Variants in DMGDH observed in about 807,000 individuals in gnomAD.
DMGDH encodes dimethylglycine dehydrogenase.
A neutral mutation model predicts 95.2 loss-of-function variants in DMGDH; 76 were observed. The observed-to-expected ratio is 0.80, with a 90% CI of 0.66 to 0.97. The LOEUF (loss-of-function observed/expected upper bound fraction) is 0.97. Ranked by LOEUF, DMGDH falls within the 50% of genes least tolerant of loss-of-function variation. The pLI, the probability that DMGDH is intolerant of heterozygous loss-of-function variation, is 0.00. For missense variants in DMGDH, 987 were observed against 1,055.0 expected (o/e 0.94, Z 0.89); for synonymous variants, 345 against 377.6 (o/e 0.91, Z 1.00).
intron 13 of DMGDH, 54 bp downstream of exon 13, chr5:79,026,370 T>A: frequency 6.2e-7 from 1 of 1,610,614 alleles, no homozygotes. Context: ...AGCCCTTATA[T>A]AAAAATGAGA....
At chr5:79,026,308 A>C (rs894198788) in intron 13 of DMGDH, 116 bp downstream of exon 13, 12 of 1,292,962 alleles carry the variant, frequency 9.3e-6, no homozygotes, top group Admixed American at 3.6e-5. Context: ...AAGTTATCTA[A>C]TGATATGTAA....
intron 7 of DMGDH, among the ~76,000 whole-genome samples, chr5:79,034,418 G>GT (rs1754280324): frequency 1.3e-5 from 2 of 152,160 alleles, no homozygotes; most frequent in South Asian, 4.1e-4. Context: ...AAATAAAGGG[G>GT]TTTTGACATC....
intron 13 of DMGDH, among the ~76,000 whole-genome samples, chr5:79,025,943 T>G (rs549579395): frequency 6.6e-6 from 1 of 152,334 alleles, no homozygotes; most frequent in South Asian, 2.1e-4. Flanking sequence ...TATGAAAATA[T>G]GTAAATGGTT....
chr5:79,001,097 A>G, intron 15 of DMGDH: 1 of 626,738 alleles, frequency 1.6e-6, no homozygotes, highest in East Asian at 2.7e-5. Context: ...GCCTTTGGTT[A>G]CTCCCTGCGT....
chr5:79,023,052 T>G (rs1753906094), intron 14 of DMGDH, among the ~76,000 whole-genome samples: 1 of 152,196 alleles, frequency 6.6e-6, no homozygotes, highest in South Asian at 2.1e-4. Flanking sequence ...AGAAAGATAT[T>G]CCCTTTAAAA....
intron 8 of DMGDH, among the ~76,000 whole-genome samples, 170 bp downstream of exon 8, chr5:79,033,069 T>C (rs564430741): frequency 6.6e-6 from 1 of 152,326 alleles, no homozygotes; most frequent in East Asian, 1.9e-4. Flanking sequence ...ATTCCACGTG[T>C]TAAATATATA....
At chr5:79,034,918 G>A (rs1393317723) in intron 7 of DMGDH, among the ~76,000 whole-genome samples, 1 of 151,492 alleles carries the variant, frequency 6.6e-6, no homozygotes, top group South Asian at 2.1e-4. Flanking sequence ...TTAGCCGGGC[G>A]TGTTGGCGGG....
intron 1 of DMGDH, among the ~76,000 whole-genome samples, chr5:79,065,740 C>T (rs935244470): frequency 3.3e-5 from 5 of 152,088 alleles, no homozygotes; most frequent in Admixed American, 3.3e-4. Context: ...TTTATGTGAC[C>T]GGCAGCACAG....
At chr5:79,050,080 A>C (rs1055903839) in intron 5 of DMGDH, among the ~76,000 whole-genome samples, 1 of 151,470 alleles carries the variant, frequency 6.6e-6, no homozygotes, top group Non-Finnish European at 1.5e-5. Context: ...AACATGGTGA[A>C]ACCCCGTCTC....
intron 15 of DMGDH, among the ~76,000 whole-genome samples, 190 bp from the exon 16 acceptor site, chr5:78,998,487 A>G (rs1378279457): frequency 1.3e-5 from 2 of 152,264 alleles, no homozygotes; most frequent in African/African-American, 4.8e-5. Context: ...GAAAGTTTAC[A>G]AATTATGAAA....
chr5:79,042,785 C>G (rs1434593005), intron 6 of DMGDH, among the ~76,000 whole-genome samples: 2 of 149,576 alleles, frequency 1.3e-5, no homozygotes, highest in Admixed American at 6.7e-5. Context: ...TAAAAAAAAA[C>G]TATAATTTGG....
chr5:79,054,824 G>C (rs1754975111), intron 3 of DMGDH, among the ~76,000 whole-genome samples: 1 of 152,226 alleles, frequency 6.6e-6, no homozygotes, highest in African/African-American at 2.4e-5. Context: ...CCTTCAGTTT[G>C]CCAAGCACTC....
In DMGDH at chr5:79,054,337, G is replaced by T; in HGVS notation, c.387C>A (p.Phe129Leu). The change falls in exon 4 of 16, where the codon TTC becomes TTA. Residue 129 changes from phenylalanine to leucine, a missense_variant. Phe to Leu is a conservative substitution (Grantham distance 22, BLOSUM62 0). Coordinates refer to ENST00000255189, the MANE Select transcript of DMGDH (RefSeq NM_013391.3). ...CAAGTCTGATACTACCTGGCTGATG[G>T]AATCCCACCACCTGTGACAATAATT... ...LEEETGQVVG[F>L]HQPGSIRLAT... is the part of the protein sequence containing the mutation. The T allele has an allele frequency of 6.2e-7, 1 of 1,613,984 alleles. No individual in the cohort carries two copies. Among genetic ancestry groups the T allele is most frequent in the Non-Finnish European group, 8.5e-7 (1 of 1,179,962 alleles).
chr5:79,069,449 C>G (rs59310526), intron 1 of DMGDH, 71 bp downstream of exon 1: 289 of 946,814 alleles, frequency 3.1e-4, no homozygotes, highest in Admixed American at 1.3e-3. Context: ...AACCCCTGAG[C>G]CTGCCTCAGC....
intron 15 of DMGDH, among the ~76,000 whole-genome samples, chr5:79,002,335 G>A (rs42418): frequency 9.2e-5 from 14 of 151,884 alleles, no homozygotes; most frequent in Non-Finnish European, 2.1e-4. Flanking sequence ...CTGAGCCACC[G>A]AATATAAAGA....
chr5:79,030,078 C>A, intron 10 of DMGDH, 44 bp from the exon 11 acceptor site: 1 of 1,539,932 alleles, frequency 6.5e-7, no homozygotes, highest in South Asian at 1.1e-5. Context: ...AACTAAAAAT[C>A]ACATGCATCC....
At chr5:79,031,442 G>A (rs1195979858) in intron 9 of DMGDH, among the ~76,000 whole-genome samples, 1 of 152,222 alleles carries the variant, frequency 6.6e-6, no homozygotes, top group South Asian at 2.1e-4. Flanking sequence ...AAACATTAAT[G>A]GGAATACAAA....
intron 2 of DMGDH, 76 bp downstream of exon 2, chr5:79,063,537 A>G (rs1755272089): frequency 6.4e-7 from 1 of 1,566,220 alleles, no homozygotes; most frequent in Non-Finnish European, 8.8e-7. Context: ...CACAGTTGGG[A>G]GTTGTGAACG....
At chr5:79,029,601 C>G (rs1165289816) in intron 11 of DMGDH, among the ~76,000 whole-genome samples, 2 of 152,108 alleles carry the variant, frequency 1.3e-5, no homozygotes, top group Non-Finnish European at 2.9e-5. Flanking sequence ...ATAATATATA[C>G]CTTGCAAAAT....
Sources: allele counts gnomAD v4.1 joint callset (sites outside exome capture counted in the v4.1 genomes callset), GRCh38; gene constraint gnomAD v4.1.1; transcripts MANE v1.5; gene names NCBI Gene and HGNC (gene_info 2026-07-23, HGNC 2026-07-21).